Variants in HERC2 observed in about 807,000 individuals in gnomAD.
The protein encoded by HERC2 is E3 ubiquitin-protein ligase HERC2.
In HERC2, 102 loss-of-function variants were observed where a neutral mutation model predicts 537.7. The ratio of observed to expected loss-of-function variants is 0.19; its 90% CI spans 0.16 to 0.22. HERC2 has a LOEUF of 0.22. HERC2 is among the 10% of genes least tolerant of loss of function. The pLI is 1.00. For synonymous variants in HERC2, 2,224 were observed against 2,466.2 expected (o/e 0.90, Z 2.91); for missense variants, 4,236 against 6,198.2 (o/e 0.68, Z 10.63).
intron 30 of HERC2, among the ~76,000 whole-genome samples, chr15:28,232,734 T>G (rs777518333): frequency 6.6e-6 from 1 of 152,210 alleles, no homozygotes; most frequent in Non-Finnish European, 1.5e-5. Context: ...TAGCTTGCCT[T>G]TATAATTCTC....
In HERC2 at chr15:28,211,019, G is replaced by C; in HGVS notation, c.7052C>G (p.Thr2351Ser). The C allele has an allele frequency of 6.3e-7, 1 of 1,595,804 alleles. No individual in the cohort carries two copies. The highest frequency in any genetic ancestry group is 8.6e-7 in the Non-Finnish European group (1 of 1,165,410). Residue 2351 changes from threonine (T) to serine (S), a missense_variant, in exon 44 of 93, where the codon ACT (threonine) becomes AGT (serine). Physicochemically the swap from Thr to Ser is moderately conservative, Grantham distance 58. Transcript: ENST00000261609. Reference protein sequence around the residue: ...QILSQPAVQETGTVHTDDGAV... With the variant: ...QILSQPAVQESGTVHTDDGAV... ...AAAGACACCTGTGTGAACAGTTCCA[G>C]TCTCCTGAACAGCTGGCTGAGACAG...
chr15:28,163,282 C>T lies in HERC2; in HGVS notation c.10558G>A (p.Val3520Ile), dbSNP rs752959610. Reference sequence around the variant, plus strand: ...CCTGCTGCTTTATTTTGGCTTTCAACATCCTAAGTCAAATGACATCCAACA... The same window carrying T: ...CCTGCTGCTTTATTTTGGCTTTCAATATCCTAAGTCAAATGACATCCAACA... ...AETMTKTKED[V>I]ESQNKAAGPE... Residue 3520 changes from valine to isoleucine, a missense_variant, in exon 69 of 93, where the codon GTT becomes ATT. This residue lies in a region of HERC2 where 356 missense variants were observed against 450.9 expected (regional missense o/e 0.79). Transcript: ENST00000261609. The T allele has an allele frequency of 1.2e-6, 2 of 1,611,354 alleles. No individual in the cohort carries two copies. Among genetic ancestry groups the T allele is most frequent in the Admixed American group, 1.7e-5 (1 of 59,934 alleles).
intron 69 of HERC2, among the ~76,000 whole-genome samples, chr15:28,153,833 T>C (rs1205617380): frequency 2.0e-5 from 3 of 151,824 alleles, no homozygotes; most frequent in African/African-American, 4.8e-5. Flanking sequence ...GAGCACCCAG[T>C]AGGTGAAAAT....
intron 15 of HERC2, 84 bp from the exon 16 acceptor site, chr15:28,261,054 G>C: frequency 1.0e-6 from 1 of 999,246 alleles, no homozygotes; most frequent in Non-Finnish European, 1.5e-6. Context: ...ATTCAGGTCA[G>C]ACAGCTTTTA....
Position 28,248,612 on chromosome 15 carries a change from G to A in HERC2, c.3175C>T (p.Arg1059Cys), listed in dbSNP as rs765766736. The change falls in exon 21 of 93, where the codon CGT becomes TGT. Residue 1059 changes from arginine to cysteine, a missense_variant. This residue lies in a region of HERC2 where 754 missense variants were observed against 1,085.0 expected (regional missense o/e 0.69). Transcript: ENST00000261609. The stretch of plus-strand genomic sequence containing the variant: ...GGATAAAGTTTACTAATAAGCAAAC[G>A]TTGAAAACGCAGTAACAAATCCAAT... ...ASLDLLLRFQ[R>C]LLISKLYPGE... 2 of 1,613,772 alleles carry A rather than the reference G, an allele frequency of 1.2e-6. No homozygotes were observed. Among genetic ancestry groups the A allele is most frequent in the Non-Finnish European group, 8.5e-7 (1 of 1,179,798 alleles).
At chr15:28,140,673 C>T (rs1891128775) in intron 78 of HERC2, among the ~76,000 whole-genome samples, 1 of 151,742 alleles carries the variant, frequency 6.6e-6, no homozygotes, top group South Asian at 2.1e-4. Context: ...AGGCACATGT[C>T]ACTGAGCCTG....
chr15:28,306,692 C>T (rs545028771), intron 2 of HERC2, among the ~76,000 whole-genome samples: 40 of 152,298 alleles, frequency 2.6e-4, no homozygotes, highest in African/African-American at 8.2e-4. Context: ...GTGAAGTCAC[C>T]AGGTCCTGGG....
intron 4 of HERC2, among the ~76,000 whole-genome samples, chr15:28,287,163 C>A (rs1249673394): frequency 6.6e-6 from 1 of 152,012 alleles, no homozygotes; most frequent in African/African-American, 2.4e-5. Flanking sequence ...AAAGAAAAAA[C>A]AAATTCTAAA....
intron 2 of HERC2, among the ~76,000 whole-genome samples, chr15:28,307,379 C>G (rs1287277384): frequency 6.6e-6 from 1 of 152,202 alleles, no homozygotes; most frequent in East Asian, 1.9e-4. Context: ...TATTTCTGCT[C>G]TAATTTTTAT....
At chr15:28,155,355 T>A (rs768693487) in intron 69 of HERC2, among the ~76,000 whole-genome samples, 23 of 152,188 alleles carry the variant, frequency 1.5e-4, no homozygotes, top group Non-Finnish European at 2.8e-4. Flanking sequence ...TGTTCCGCAG[T>A]GGTTGAACTA....
chr15:28,251,741 A>G (rs2075091193), intron 20 of HERC2, among the ~76,000 whole-genome samples: 1 of 152,194 alleles, frequency 6.6e-6, no homozygotes, highest in Non-Finnish European at 1.5e-5. Flanking sequence ...CAGAGGTTAC[A>G]GTGAGCCAAG....
At chr15:28,149,849 G>C (rs929338477) in intron 70 of HERC2, among the ~76,000 whole-genome samples, 15 of 143,840 alleles carry the variant, frequency 1.0e-4, no homozygotes, top group Admixed American at 6.2e-4. Flanking sequence ...ACAGCCACAC[G>C]AACGCACATT....
intron 16 of HERC2, among the ~76,000 whole-genome samples, chr15:28,259,225 G>C (rs1383688974): frequency 1.3e-5 from 2 of 152,122 alleles, no homozygotes; most frequent in Admixed American, 6.5e-5. Context: ...CTCCTGAGTA[G>C]CTGGGATTAC....
chr15:28,232,281 G>A (rs986092742), intron 30 of HERC2, among the ~76,000 whole-genome samples: 2 of 152,234 alleles, frequency 1.3e-5, no homozygotes, highest in East Asian at 1.9e-4. Flanking sequence ...GGTGGCTCAC[G>A]CCTGTAATCC....
intron 2 of HERC2, chr15:28,320,460 A>C (rs913642527): frequency 6.6e-6 from 1 of 152,100 alleles, no homozygotes; most frequent in Admixed American, 6.6e-5. Flanking sequence ...ACCAACACTC[A>C]ATACCTGTTT....
chr15:28,208,118 T>A (rs1424837233), intron 44 of HERC2, among the ~76,000 whole-genome samples: 1 of 152,208 alleles, frequency 6.6e-6, no homozygotes, highest in Non-Finnish European at 1.5e-5. Context: ...ATGTTCCCTA[T>A]AACCTCTACT....
intron 81 of HERC2, among the ~76,000 whole-genome samples, 154 bp from the exon 82 acceptor site, chr15:28,130,748 C>T (rs1424718965): frequency 6.6e-6 from 1 of 152,224 alleles, no homozygotes; most frequent in Admixed American, 6.5e-5. Flanking sequence ...TCCACTTAAT[C>T]TCAGCACTCT....
intron 4 of HERC2, among the ~76,000 whole-genome samples, chr15:28,286,761 A>G (rs1442739607): frequency 6.6e-6 from 1 of 152,214 alleles, no homozygotes; most frequent in Non-Finnish European, 1.5e-5. Flanking sequence ...CTAAAAGATT[A>G]CAACACCCAA....
At position 28,142,931 on chromosome 15, in the gene HERC2, C is replaced by T; in HGVS notation, c.11440G>A (p.Ala3814Thr). ...TCTGGAAGACCTTTCACCAAAGCAG[C>T]AAGAGCACTACCTGTAAAACTCTAA... ...RALSFTGSAL[A>T]ALVKGLPEAL... Residue 3814 changes from alanine to threonine, a missense_variant, in exon 75 of 93, where the codon GCT (alanine) becomes ACT (threonine). Ala to Thr is a moderately conservative substitution (Grantham distance 58). This residue lies in a region of HERC2 where 23 missense variants were observed against 60.0 expected (regional missense o/e 0.38). Transcript: ENST00000261609. 2 of 1,608,360 alleles carry T rather than the reference C, an allele frequency of 1.2e-6. No homozygotes were observed. The highest frequency in any genetic ancestry group is 1.7e-6 in the Non-Finnish European group (2 of 1,176,936).
Sources: allele counts gnomAD v4.1 joint callset (sites outside exome capture counted in the v4.1 genomes callset), GRCh38; gene constraint gnomAD v4.1.1; regional missense constraint gnomAD v4.1.1; transcripts MANE v1.5; gene names NCBI Gene and HGNC (gene_info 2026-07-23, HGNC 2026-07-21).